CSMD1: variants seen among roughly 807,000 people sequenced by gnomAD.
CSMD1 encodes the protein CUB and sushi domain-containing protein 1.
Under a neutral mutation model 417.5 loss-of-function variants are expected in CSMD1, and 213 were observed. The observed-to-expected ratio is 0.51, with a 90% CI of 0.46 to 0.57. The LOEUF is 0.57. CSMD1 is among the 20% of genes least tolerant of loss of function. The probability of loss-of-function intolerance (pLI) is 0.00; values close to 1 mark genes in which losing one functional copy is unlikely to be tolerated. For missense variants in CSMD1, 6,923 were observed against 4,529.7 expected (o/e 1.53, Z -15.17); for synonymous variants, 2,862 against 1,736.8 (o/e 1.65, Z -16.11).
chr8:4,614,148 A>G (rs1436854750), intron 2 of CSMD1, among the ~76,000 whole-genome samples: 1 of 152,040 alleles, frequency 6.6e-6, no homozygotes, highest in Non-Finnish European at 1.5e-5. Context: ...AGTTCTGATA[A>G]TAATAATAAT....
intron 3 of CSMD1, among the ~76,000 whole-genome samples, chr8:4,191,820 AT>A (rs1335089413): frequency 6.6e-6 from 1 of 151,724 alleles, no homozygotes; most frequent in African/African-American, 2.4e-5. Context: ...CTATCGAATG[AT>A]TTACAATATG....
At chr8:3,421,895 C>T (rs1285838745) in intron 12 of CSMD1, among the ~76,000 whole-genome samples, 1 of 152,218 alleles carries the variant, frequency 6.6e-6, no homozygotes, top group Non-Finnish European at 1.5e-5. Context: ...ACCTTGGCCG[C>T]CCAAAGTGCT....
chr8:3,929,372 T>A (rs1011932976), intron 5 of CSMD1, among the ~76,000 whole-genome samples: 2 of 150,390 alleles, frequency 1.3e-5, no homozygotes, highest in Non-Finnish European at 3.0e-5. Flanking sequence ...TTTGAAAAAG[T>A]TCGTGAATGT....
chr8:4,429,125 C>A (rs1296453116), intron 2 of CSMD1, among the ~76,000 whole-genome samples: 1 of 151,106 alleles, frequency 6.6e-6, no homozygotes, highest in African/African-American at 2.4e-5. Flanking sequence ...CAGTTTTTTT[C>A]TATGAAAACT....
At chr8:3,433,826 C>G (rs546289366) in intron 12 of CSMD1, among the ~76,000 whole-genome samples, 1 of 152,192 alleles carries the variant, frequency 6.6e-6, no homozygotes, top group Non-Finnish European at 1.5e-5. Flanking sequence ...AACGGGCTCC[C>G]GTGGCAGCTC....
intron 7 of CSMD1, among the ~76,000 whole-genome samples, chr8:3,661,636 A>G (rs1798423919): frequency 1.3e-5 from 2 of 152,106 alleles, no homozygotes; most frequent in South Asian, 4.1e-4. Context: ...AGTTGGCATT[A>G]CAGGTATCCA....
intron 30 of CSMD1, among the ~76,000 whole-genome samples, chr8:3,207,663 T>A (rs1797380239): frequency 6.6e-6 from 1 of 152,084 alleles, no homozygotes; most frequent in Non-Finnish European, 1.5e-5. Flanking sequence ...CTTGAAAAAC[T>A]TAAGTTGTAT....
intron 25 of CSMD1, among the ~76,000 whole-genome samples, chr8:3,304,676 C>A (rs1418800695): frequency 6.6e-6 from 1 of 151,878 alleles, no homozygotes; most frequent in Admixed American, 6.6e-5. Context: ...TTTTCAAGGT[C>A]AGTTCATGCA....
chr8:3,475,931 T>C (rs1817384506), intron 11 of CSMD1, among the ~76,000 whole-genome samples: 3 of 152,240 alleles, frequency 2.0e-5, no homozygotes, highest in Non-Finnish European at 4.4e-5. Context: ...AGTAACTTTA[T>C]GATGTTTTGG....
chr8:4,031,178 G>A (rs952075598), intron 4 of CSMD1, among the ~76,000 whole-genome samples: 4 of 152,110 alleles, frequency 2.6e-5, no homozygotes, highest in African/African-American at 4.8e-5. Context: ...CACATCTTTT[G>A]GTATCTTTTC....
chr8:3,702,657 C>T (rs985307422), intron 7 of CSMD1, among the ~76,000 whole-genome samples: 1 of 152,146 alleles, frequency 6.6e-6, no homozygotes, highest in East Asian at 1.9e-4. Flanking sequence ...ATGGTGAAAC[C>T]CCATATCTAC....
chr8:4,425,287 G>A (rs547817097), intron 2 of CSMD1, among the ~76,000 whole-genome samples: 26 of 151,334 alleles, frequency 1.7e-4, no homozygotes, highest in African/African-American at 6.3e-4. Flanking sequence ...GAGGTTTGGG[G>A]TAATTTAATA....
intron 3 of CSMD1, among the ~76,000 whole-genome samples, chr8:4,198,840 G>C (rs1799488337): frequency 6.6e-6 from 1 of 151,832 alleles, no homozygotes. Context: ...ACCATCTCAG[G>C]AGAGACAGCG....
At chr8:2,984,301 G>A (rs892370505) in intron 54 of CSMD1, among the ~76,000 whole-genome samples, 24 of 152,150 alleles carry the variant, frequency 1.6e-4, no homozygotes, top group Admixed American at 1.6e-3. Context: ...AGGATGCTGG[G>A]AGGAGCATGG....
At chr8:3,622,656 G>C (rs1186864729) in intron 7 of CSMD1, among the ~76,000 whole-genome samples, 1 of 152,224 alleles carries the variant, frequency 6.6e-6, no homozygotes, top group Non-Finnish European at 1.5e-5. Context: ...AACAAAAAGT[G>C]ATTAGAGATT....
rs1379798195 is a variant in CSMD1, at chr8:4,994,609, G to C, written c.-193C>G. 2 of 598,334 alleles carry C rather than the reference G, an allele frequency of 3.3e-6. No homozygotes were observed. The highest frequency in any genetic ancestry group is 6.0e-6 in the Non-Finnish European group (2 of 332,522). The allele number at this position is 598,334 out of a possible 1,614,324, so 37.1% of individuals were successfully genotyped here. ...CTTCCCTCTCATAGCATCGGGTCCC[G>C]AGCCACTGCAGGGCTGAGCTGCTCC... On this transcript the variant is annotated 5_prime_UTR_variant, in exon 1 of 70. Transcript: ENST00000635120.
At chr8:4,974,922 G>T (rs1432478877) in intron 1 of CSMD1, among the ~76,000 whole-genome samples, 2 of 152,176 alleles carry the variant, frequency 1.3e-5, no homozygotes, top group Non-Finnish European at 2.9e-5. Context: ...ATATACTGGG[G>T]TTTAAAGAGA....
rs370171740 is a variant in CSMD1, at chr8:3,422,635, ATAAAT to A, written c.1562-13035_1562-13031del. ...CTGTCTTTTGGGAATCAAGTGGGAAATAAATTAAATATTTCAAATCTATTTTCGAT... is the reference window on the plus strand; with the variant it reads ...CTGTCTTTTGGGAATCAAGTGGGAAATAAATATTTCAAATCTATTTTCGAT... On this transcript the variant is annotated intron_variant, in intron 12 of 69. Coordinates refer to ENST00000635120, the MANE Select transcript of CSMD1 (RefSeq NM_033225.6). Among the ~76,000 whole-genome samples, 21 of 152,348 alleles carry A rather than the reference ATAAAT, an allele frequency of 1.4e-4. No individual in the cohort carries two copies. The East Asian group carries it at 2.7e-3, about 20-fold the overall frequency.
intron 5 of CSMD1, among the ~76,000 whole-genome samples, chr8:3,903,966 T>C (rs1049340456): frequency 2.0e-5 from 3 of 152,152 alleles, no homozygotes; most frequent in African/African-American, 7.2e-5. Flanking sequence ...AAACCTGGAA[T>C]ACCTTGTTCT....
Sources: allele counts gnomAD v4.1 joint callset (sites outside exome capture counted in the v4.1 genomes callset), GRCh38; gene constraint gnomAD v4.1.1; transcripts MANE v1.5; gene names NCBI Gene and HGNC (gene_info 2026-07-23, HGNC 2026-07-21).